The following CUL1 variants were observed in gnomAD, a reference collection of about 807,000 sequenced individuals.
CUL1 encodes the protein cullin 1.
In CUL1, 24 loss-of-function variants were observed where a neutral mutation model predicts 118.0. The ratio of observed to expected loss-of-function variants is 0.20; its 90% CI spans 0.15 to 0.29. CUL1 has a LOEUF of 0.29. Among genes scored for constraint, CUL1 ranks in the 10% least tolerant of loss-of-function variants. The probability of loss-of-function intolerance (pLI) is 1.00; values close to 1 mark genes in which losing one functional copy is unlikely to be tolerated. For missense variants in CUL1, 361 were observed against 933.8 expected (o/e 0.39, Z 7.99); for synonymous variants, 332 against 340.4 (o/e 0.98, Z 0.27).
intron 21 of CUL1, 54 bp downstream of exon 21, chr7:148,799,442 A>G: frequency 3.2e-6 from 4 of 1,261,364 alleles, no homozygotes; most frequent in Non-Finnish European, 4.6e-6. Flanking sequence ...AAGATAAAAG[A>G]TGTAGCAAAA....
rs61460309 is a variant in CUL1, at chr7:148,749,415, CAA to C, written c.141-4542_141-4541del. 1.2e-4 allele frequency among the ~76,000 whole-genome samples: 7 copies of C among 56,456 alleles called. No individual in the cohort carries two copies. The East Asian group carries it at 1.6e-3, about 13-fold the overall frequency. The allele number at this position is 56,456 out of a possible 152,430, so 37.0% of individuals were successfully genotyped here. A position where few individuals can be genotyped will look rare whatever the true frequency, so the allele number is the denominator to read the frequency against. ...TGGGCAACAGAGTGAGACTCCATCT[CAA>C]AAAAAAAAAAAAAAAAAAGTAAAAA... is the stretch of plus-strand genomic sequence containing the variant. On this transcript the variant is annotated intron_variant, in intron 2 of 21. Coordinates refer to ENST00000325222, the MANE Select transcript of CUL1 (RefSeq NM_003592.3).
At chr7:148,723,815 A>G (rs1277572599) in intron 1 of CUL1, among the ~76,000 whole-genome samples, 2 of 150,660 alleles carry the variant, frequency 1.3e-5, no homozygotes, top group African/African-American at 4.9e-5. Context: ...TTTTAAAGCC[A>G]TGTTCCTTGA....
intron 17 of CUL1, among the ~76,000 whole-genome samples, chr7:148,794,223 A>G (rs761788012): frequency 4.4e-4 from 66 of 151,294 alleles, no homozygotes; most frequent in Non-Finnish European, 6.9e-4. Flanking sequence ...ATATACACAC[A>G]TTTTTAATTT....
chr7:148,704,919 A>G (rs1484704256), intron 1 of CUL1, among the ~76,000 whole-genome samples: 5 of 152,158 alleles, frequency 3.3e-5, no homozygotes, highest in Non-Finnish European at 5.9e-5. Context: ...CAGGGGAGCT[A>G]CTTGCAAGGA....
rs533770076 is a variant in CUL1 at position 148,742,494 on chromosome 7, G to T, written c.141-11482G>T. On this transcript the variant is annotated intron_variant, in intron 2 of 21. Coordinates refer to ENST00000325222, the MANE Select transcript of CUL1 (RefSeq NM_003592.3). ...CCTGACCTTGCCCTTGACAGATGGG[G>T]ATTATTACAGTTCAAGGTGCTATTT... is the stretch of plus-strand genomic sequence containing the variant. Among the ~76,000 whole-genome samples the T allele has an allele frequency of 9.2e-5, 14 of 152,144 alleles. 1 individual carries two copies. In the South Asian group the frequency reaches 2.9e-3, roughly 32 times the overall value.
At chr7:148,710,082 G>C (rs1004751938) in intron 1 of CUL1, among the ~76,000 whole-genome samples, 4 of 152,088 alleles carry the variant, frequency 2.6e-5, no homozygotes, top group Admixed American at 6.5e-5. Context: ...GTGAAACCCT[G>C]TGTCAAAAAT....
chr7:148,783,574 AGATT>A, intron 9 of CUL1: 1 of 1,476,168 alleles, frequency 6.8e-7, no homozygotes, highest in Non-Finnish European at 8.9e-7. Flanking sequence ...TGTGGAGAAT[AGATT>A]GTTTTTTCTT....
intron 1 of CUL1, among the ~76,000 whole-genome samples, chr7:148,701,522 T>G (rs985145858): frequency 6.6e-6 from 1 of 152,358 alleles, no homozygotes; most frequent in South Asian, 2.1e-4. Context: ...GTTTGGTGTT[T>G]TTTTGGAAAC....
In CUL1 at chr7:148,797,985, G is replaced by C; in HGVS notation, c.1996G>C (p.Asp666His). The change falls in exon 19 of 22, where the codon GAT becomes CAT. Residue 666 changes from aspartate to histidine, a missense_variant. Asp to His is a moderately conservative substitution (Grantham distance 81, BLOSUM62 -1). This residue lies in a region of CUL1 where 84 missense variants were observed against 203.3 expected (regional missense o/e 0.41). Coordinates refer to ENST00000325222, the MANE Select transcript of CUL1 (RefSeq NM_003592.3). ...ANVDEVELKP[D>H]TLIKLYLGYK... is the part of the protein sequence containing the mutation. ...TGTTGATGAGGTGGAATTGAAGCCAGATACCTTAATAAAATTATATCTTGG... is the reference window on the plus strand; with the variant it reads ...TGTTGATGAGGTGGAATTGAAGCCACATACCTTAATAAAATTATATCTTGG... The C allele has an allele frequency of 6.2e-7, 1 of 1,610,808 alleles. No individual in the cohort carries two copies. Among genetic ancestry groups the C allele is most frequent in the East Asian group, 2.2e-5 (1 of 44,866 alleles).
At chr7:148,760,285 T>C (rs749444476) in intron 6 of CUL1, 48 bp from the exon 7 acceptor site, 2 of 1,522,428 alleles carry the variant, frequency 1.3e-6, no homozygotes, top group East Asian at 2.3e-5. Context: ...CTGTGAAATA[T>C]AACCAAAAAA....
At chr7:148,762,409 C>G (rs569577170) in intron 7 of CUL1, among the ~76,000 whole-genome samples, 1 of 152,234 alleles carries the variant, frequency 6.6e-6, no homozygotes, top group South Asian at 2.1e-4. Context: ...TGGAACTATT[C>G]GGGGTATTAT....
intron 7 of CUL1, among the ~76,000 whole-genome samples, chr7:148,763,137 ACT>A (rs1397457503): frequency 3.3e-5 from 5 of 151,382 alleles, no homozygotes; most frequent in African/African-American, 1.2e-4. Context: ...ACAGAGTGAG[ACT>A]CTGTCTCAAA....
intron 2 of CUL1, among the ~76,000 whole-genome samples, chr7:148,751,549 A>C (rs1050786860): frequency 6.6e-6 from 1 of 151,592 alleles, no homozygotes; most frequent in Non-Finnish European, 1.5e-5. Flanking sequence ...AAAAAAAAAA[A>C]AAAAACCTCT....
chr7:148,778,011 C>T lies in CUL1; in HGVS notation c.1084-5772C>T, dbSNP rs578033464. 2.3e-4 allele frequency among the ~76,000 whole-genome samples: 32 copies of T among 138,318 alleles called. 2 individuals are homozygous for T. Among genetic ancestry groups the T allele is most frequent in the Admixed American group, 1.6e-3 (20 of 12,738 alleles). 90.7% of individuals were successfully genotyped at this position (138,318 alleles called of 152,430 possible). The stretch of plus-strand genomic sequence containing the variant: ...CAGGGAGGCAGAGGTTGCAGTGAGC[C>T]GAGATCATGCCACTGCACTCCTGCA... On this transcript the variant is annotated intron_variant, in intron 9 of 21. Transcript: ENST00000325222.
intron 1 of CUL1, among the ~76,000 whole-genome samples, chr7:148,722,096 A>G (rs944685320): frequency 9.9e-5 from 15 of 152,208 alleles, no homozygotes; most frequent in East Asian, 3.8e-4. Context: ...AGGAAAATAC[A>G]TAAGGTGTAA....
At chr7:148,743,383 T>C (rs1376696094) in intron 2 of CUL1, among the ~76,000 whole-genome samples, 1 of 152,202 alleles carries the variant, frequency 6.6e-6, no homozygotes, top group Non-Finnish European at 1.5e-5. Context: ...CCTTATACAA[T>C]AGACATCTAT....
intron 1 of CUL1, among the ~76,000 whole-genome samples, chr7:148,706,250 A>G (rs947445942): frequency 3.3e-5 from 5 of 152,206 alleles, no homozygotes; most frequent in African/African-American, 1.2e-4. Context: ...CAAGCATTTC[A>G]GATAAAGGAT....
intron 1 of CUL1, among the ~76,000 whole-genome samples, chr7:148,725,219 G>GCGCGCGCACACACACACACACACACACA: frequency 2.9e-5 from 4 of 140,060 alleles, no homozygotes; most frequent in African/African-American, 8.5e-5. Flanking sequence ...ACACGCGCGC[G>GCGCGCGCACACACACACACACACACACA]CTCACACACA....
intron 1 of CUL1, among the ~76,000 whole-genome samples, chr7:148,717,528 C>T (rs1327544256): frequency 1.3e-5 from 2 of 151,968 alleles, no homozygotes; most frequent in Middle Eastern, 3.2e-3. Context: ...TCTTGGGCCT[C>T]TCTCTTTCCA....
Sources: allele counts gnomAD v4.1 joint callset (sites outside exome capture counted in the v4.1 genomes callset), GRCh38; gene constraint gnomAD v4.1.1; regional missense constraint gnomAD v4.1.1; transcripts MANE v1.5; gene names NCBI Gene and HGNC (gene_info 2026-07-23, HGNC 2026-07-21).